RPRD1A: variants seen among roughly 807,000 people sequenced by gnomAD.
The protein encoded by RPRD1A is regulation of nuclear pre-mRNA domain containing 1A, also known as regulation of nuclear pre-mRNA domain-containing protein 1A.
RPRD1A carries 9 observed loss-of-function variants against 37.8 expected under a neutral mutation model. The ratio of observed to expected loss-of-function variants is 0.24; its 90% CI spans 0.14 to 0.42. The LOEUF is 0.42. RPRD1A is among the 10% of genes least tolerant of loss of function. RPRD1A has a pLI of 1.00. For synonymous variants in RPRD1A, 138 were observed against 139.7 expected (o/e 0.99, Z 0.08); for missense variants, 255 against 371.0 (o/e 0.69, Z 2.57).
intron 6 of RPRD1A, among the ~76,000 whole-genome samples, chr18:36,000,261 C>T (rs922743437): frequency 2.0e-5 from 3 of 152,132 alleles, no homozygotes; most frequent in African/African-American, 7.2e-5. Flanking sequence ...ATATAAACTC[C>T]AATATAGCCA....
chr18:36,008,577 G>GTATGTATGTATATATATATATATATATA, intron 6 of RPRD1A, among the ~76,000 whole-genome samples: 1 of 47,800 alleles, frequency 2.1e-5, no homozygotes. Flanking sequence ...CCTTGTGTGT[G>GTATGTATGTATATATATATATATATATA]TATATATATA....
chr18:36,029,819 T>C (rs1911640150), intron 4 of RPRD1A, among the ~76,000 whole-genome samples: 1 of 152,028 alleles, frequency 6.6e-6, no homozygotes, highest in Non-Finnish European at 1.5e-5. Context: ...ACTTTTTTTT[T>C]TTTTGAGACG....
rs1908803777 is a variant in RPRD1A, at chr18:35,993,031, CGTT to C, written c.*117_*119del. ...ATTTTAAACAATTTTATAAATTACTCGTTGTTCCTTTTGTTAGTGTTTCTTTCT... is the reference window on the plus strand; with the variant it reads ...ATTTTAAACAATTTTATAAATTACTCGTTCCTTTTGTTAGTGTTTCTTTCT... On this transcript the variant is annotated 3_prime_UTR_variant, in exon 7 of 7. Transcript: ENST00000399022. 2.5e-6 allele frequency: 2 copies of C among 792,466 alleles called. No homozygotes were observed. Among genetic ancestry groups the C allele is most frequent in the Non-Finnish European group, 3.7e-6 (2 of 546,400 alleles). 49.1% of individuals were successfully genotyped at this position (792,466 alleles called of 1,614,324 possible). A position where few individuals can be genotyped will look rare whatever the true frequency, so the allele number is the denominator to read the frequency against.
At chr18:36,057,173 G>A (rs1913848044) in intron 1 of RPRD1A, among the ~76,000 whole-genome samples, 1 of 151,430 alleles carries the variant, frequency 6.6e-6, no homozygotes, top group Admixed American at 6.6e-5. Context: ...GCCTTGATTG[G>A]CCACCACACT....
intron 6 of RPRD1A, among the ~76,000 whole-genome samples, chr18:36,021,341 C>T (rs1344117792): frequency 7.0e-6 from 1 of 143,566 alleles, no homozygotes; most frequent in Non-Finnish European, 1.5e-5. Flanking sequence ...TTTGGTATTT[C>T]TTGTGCTATT....
chr18:36,012,442 G>A (rs1184131651), intron 6 of RPRD1A, among the ~76,000 whole-genome samples: 1 of 152,112 alleles, frequency 6.6e-6, no homozygotes, highest in African/African-American at 2.4e-5. Context: ...ATACCAGAAG[G>A]CATTATTAGA....
At chr18:36,012,149 A>T (rs1182544757) in intron 6 of RPRD1A, among the ~76,000 whole-genome samples, 1 of 152,184 alleles carries the variant, frequency 6.6e-6, no homozygotes, top group African/African-American at 2.4e-5. Flanking sequence ...TGGTCCTGTA[A>T]GACTATAATG....
intron 1 of RPRD1A, among the ~76,000 whole-genome samples, chr18:36,041,261 T>C (rs1912561656): frequency 6.6e-6 from 1 of 152,230 alleles, no homozygotes; most frequent in Non-Finnish European, 1.5e-5. Context: ...GTTAATTATG[T>C]AGCACTTCCT....
intron 6 of RPRD1A, among the ~76,000 whole-genome samples, chr18:36,020,320 G>C (rs1320089932): frequency 1.3e-5 from 2 of 151,812 alleles, no homozygotes; most frequent in African/African-American, 4.8e-5. Context: ...CGCATCTAGG[G>C]ACCCAAATCA....
At chr18:36,066,022 G>A (rs2089022908) in intron 1 of RPRD1A, among the ~76,000 whole-genome samples, 1 of 152,142 alleles carries the variant, frequency 6.6e-6, no homozygotes, top group African/African-American at 2.4e-5. Context: ...AAATGTAAAA[G>A]CAAAGCTAAT....
intron 1 of RPRD1A, among the ~76,000 whole-genome samples, chr18:36,044,872 A>G (rs2144351856): frequency 6.6e-6 from 1 of 152,158 alleles, no homozygotes; most frequent in South Asian, 2.1e-4. Flanking sequence ...GCCACTGACA[A>G]AAGGGCATCA....
At chr18:35,995,284 A>T (rs1908975510) in intron 6 of RPRD1A, among the ~76,000 whole-genome samples, 1 of 106,690 alleles carries the variant, frequency 9.4e-6, no homozygotes, top group African/African-American at 3.7e-5. Context: ...TTTTTTTGAG[A>T]CGGAGTTTCG....
Position 36,031,099 on chromosome 18 carries a change from T to TAAAAAAAAAAAA in RPRD1A, c.282-14_282-3dup. 1 of 1,370,740 alleles carries TAAAAAAAAAAAA rather than the reference T, an allele frequency of 7.3e-7. No homozygotes were observed. The highest frequency in any genetic ancestry group is 3.5e-5 in the Admixed American group (1 of 28,702). The allele number at this position is 1,370,740 out of a possible 1,614,324, so 84.9% of individuals were successfully genotyped here. On this transcript the variant is annotated splice_polypyrimidine_tract_variant and splice_region_variant and intron_variant, in intron 2 of 6. Transcript: ENST00000399022. ...TTCTTACAACTTTCATCAGTTTCAC[T>TAAAAAAAAAAAA]AAAAAAAAAAAAAAAGAAAAAAAGA...
chr18:36,018,861 G>C (rs1243908379), intron 6 of RPRD1A, among the ~76,000 whole-genome samples: 1 of 152,086 alleles, frequency 6.6e-6, no homozygotes, highest in Non-Finnish European at 1.5e-5. Context: ...AAAGGATGTA[G>C]GACTCTCTGA....
intron 6 of RPRD1A, among the ~76,000 whole-genome samples, chr18:36,023,352 TCTG>T (rs1326699038): frequency 2.0e-5 from 3 of 152,194 alleles, no homozygotes; most frequent in African/African-American, 7.2e-5. Flanking sequence ...TAACTGTAGA[TCTG>T]CTGCAAATAG....
chr18:36,065,749 A>G (rs185926564), intron 1 of RPRD1A, among the ~76,000 whole-genome samples: 65 of 152,260 alleles, frequency 4.3e-4, no homozygotes, highest in Non-Finnish European at 1.5e-5. Context: ...TTGTCATATT[A>G]TTTTGCCAAA....
rs184916379 is a variant in RPRD1A, at chr18:36,029,828, C to T, written c.486+980G>A. ...AACACTACTTTTTTTTTTTTTGAGACGGAGTCTCGCTCTGTCACCCAGGAT... is the reference window on the plus strand; with the variant it reads ...AACACTACTTTTTTTTTTTTTGAGATGGAGTCTCGCTCTGTCACCCAGGAT... On this transcript the variant is annotated intron_variant, in intron 4 of 6. Coordinates refer to ENST00000399022, the MANE Select transcript of RPRD1A (RefSeq NM_018170.5). Among the ~76,000 whole-genome samples the T allele has an allele frequency of 6.0e-4, 90 of 148,968 alleles. 1 individual carries two copies. The highest frequency in any genetic ancestry group is 5.0e-3 in the Admixed American group (75 of 14,990).
chr18:36,030,920 C>T lies in RPRD1A; in HGVS notation c.389-15G>A. ...CTTATCACCATCTGAAATGAAAGAACATTTAAGTATTAATGAAAGAATACA... is the reference window on the plus strand; with the variant it reads ...CTTATCACCATCTGAAATGAAAGAATATTTAAGTATTAATGAAAGAATACA... On this transcript the variant is annotated splice_polypyrimidine_tract_variant and intron_variant, in intron 3 of 6. Transcript: ENST00000399022. 1.2e-6 allele frequency: 2 copies of T among 1,603,610 alleles called. No homozygotes were observed. The highest frequency in any genetic ancestry group is 8.5e-7 in the Non-Finnish European group (1 of 1,172,844).
At chr18:36,064,707 T>G (rs894817560) in intron 1 of RPRD1A, among the ~76,000 whole-genome samples, 4 of 152,026 alleles carry the variant, frequency 2.6e-5, no homozygotes, top group Non-Finnish European at 2.9e-5. Flanking sequence ...TGGGGCCAGA[T>G]AAGAGAATAA....
Sources: allele counts gnomAD v4.1 joint callset (sites outside exome capture counted in the v4.1 genomes callset), GRCh38; gene constraint gnomAD v4.1.1; transcripts MANE v1.5; gene names NCBI Gene and HGNC (gene_info 2026-07-23, HGNC 2026-07-21).